Variants in FCRL5 observed in about 807,000 individuals in gnomAD.
FCRL5 encodes Fc receptor-like protein 5.
A neutral mutation model predicts 92.1 loss-of-function variants in FCRL5; 79 were observed. That is an observed-to-expected ratio of 0.86 (90% CI 0.72 to 1.03). The LOEUF is 1.03. Among genes scored for constraint, FCRL5 ranks in the 50% least tolerant of loss-of-function variants. The pLI is 0.00. For missense variants in FCRL5, 1,160 were observed against 1,181.1 expected (o/e 0.98, Z 0.26); for synonymous variants, 466 against 469.3 (o/e 0.99, Z 0.09).
rs555839227 is a variant in FCRL5 at position 157,547,221 on chromosome 1, T to G, written c.53-24A>C. On this transcript the variant is annotated intron_variant, in intron 2 of 16. Coordinates refer to ENST00000361835, the MANE Select transcript of FCRL5 (RefSeq NM_031281.3). ...TGCTGAAGAGGAAAGAGAAAAGGAG[T>G]CTGAGGTGGAGGCGCCTGCAGACCC... The G allele has an allele frequency of 6.2e-6, 10 of 1,611,338 alleles. No individual in the cohort carries two copies. The African/African-American group carries it at 1.3e-4, about 22-fold the overall frequency.
intron 9 of FCRL5, among the ~76,000 whole-genome samples, chr1:157,525,775 A>G (rs553355716): frequency 6.6e-6 from 1 of 152,344 alleles, no homozygotes; most frequent in South Asian, 2.1e-4. Context: ...AATGTTGAGG[A>G]AGACTCCTCT....
rs746946474 is a variant in FCRL5, at chr1:157,527,834, G to A, written c.1743C>T (p.Asp581=). Residue 581 remains aspartate (D), a synonymous_variant, in exon 9 of 17, where the codon GAC becomes GAT. Coordinates refer to ENST00000361835, the MANE Select transcript of FCRL5 (RefSeq NM_031281.3). ...RVPRAQAVVG[D]LLELHCEAPR... ...GGGCCTCACAGTGAAGCTCCAGCAGGTCCCCCACCACAGCCTGGGCCCTGG... is the reference window on the plus strand; with the variant it reads ...GGGCCTCACAGTGAAGCTCCAGCAGATCCCCCACCACAGCCTGGGCCCTGG... 1.9e-6 allele frequency: 3 copies of A among 1,611,980 alleles called. No homozygotes were observed. The highest frequency in any genetic ancestry group is 1.3e-5 in the African/African-American group (1 of 74,930).
intron 1 of FCRL5, among the ~76,000 whole-genome samples, chr1:157,550,989 T>C (rs1651784116): frequency 6.6e-6 from 1 of 152,250 alleles, no homozygotes; most frequent in Non-Finnish European, 1.5e-5. Flanking sequence ...CAAACTTAAG[T>C]GTTTTACTGA....
chr1:157,549,688 T>A, intron 1 of FCRL5, 108 bp from the exon 2 acceptor site: 1 of 912,576 alleles, frequency 1.1e-6, no homozygotes. Flanking sequence ...CTTTAAAAAA[T>A]TCATTTAAAA....
At chr1:157,548,215 T>C (rs1651647826) in intron 2 of FCRL5, among the ~76,000 whole-genome samples, 1 of 152,194 alleles carries the variant, frequency 6.6e-6, no homozygotes, top group Non-Finnish European at 1.5e-5. Context: ...GGTCAGAGGG[T>C]GACCATGAAG....
chr1:157,515,432 C>T lies in FCRL5; in HGVS notation c.*243G>A. The T allele has an allele frequency of 3.1e-6, 2 of 646,898 alleles. No individual in the cohort carries two copies. Among genetic ancestry groups the T allele is most frequent in the Non-Finnish European group, 5.1e-6 (2 of 389,816 alleles). 40.1% of individuals were successfully genotyped at this position (646,898 alleles called of 1,614,324 possible). On this transcript the variant is annotated 3_prime_UTR_variant, in exon 17 of 17. Transcript: ENST00000361835. ...TAAGGAATCCAGGAGATGTGCTGGGCCCTGGAGTGGGAGCACCTTGCCACT... is the reference window on the plus strand; with the variant it reads ...TAAGGAATCCAGGAGATGTGCTGGGTCCTGGAGTGGGAGCACCTTGCCACT...
intron 7 of FCRL5, among the ~76,000 whole-genome samples, chr1:157,536,588 C>T (rs1170891233): frequency 6.6e-6 from 1 of 152,256 alleles, no homozygotes; most frequent in Non-Finnish European, 1.5e-5. Context: ...GAATATGGCC[C>T]AAGCCCTTAC....
chr1:157,545,522 G>GTTTTTTTTTTTTTTTTTTTTTTTT (rs754972248), intron 3 of FCRL5, among the ~76,000 whole-genome samples: 1 of 84,940 alleles, frequency 1.2e-5, no homozygotes, highest in Non-Finnish European at 2.1e-5. Context: ...TCTTTAATGA[G>GTTTTTTTTTTTTTTTTTTTTTTTT]TTTTTTTTTT....
chr1:157,520,709 A>C (rs1650141646), intron 11 of FCRL5, 162 bp from the exon 12 acceptor site: 1 of 641,054 alleles, frequency 1.6e-6, no homozygotes, highest in South Asian at 2.0e-5. Context: ...TGTCTTTGTG[A>C]GGAAGCCGTC....
At chr1:157,538,480 C>A (rs940447583) in intron 7 of FCRL5, among the ~76,000 whole-genome samples, 1 of 152,232 alleles carries the variant, frequency 6.6e-6, no homozygotes, top group African/African-American at 2.4e-5. Flanking sequence ...TTGACAGTTA[C>A]CTGAGTAGCC....
chr1:157,549,395 C>T (rs976664854), intron 2 of FCRL5, among the ~76,000 whole-genome samples, 165 bp downstream of exon 2: 2 of 152,014 alleles, frequency 1.3e-5, no homozygotes, highest in Non-Finnish European at 2.9e-5. Context: ...TATAACAAAC[C>T]TGCACGTTGT....
At position 157,520,315 on chromosome 1, in the gene FCRL5, G is replaced by T. The variant is rs139311407; in HGVS notation, c.2632+116C>A. ...CAGCGGGAAAGGAAGAGGATTGAGGGACAGAGCGGATGAGCTCTTGCGAGC... is the reference window on the plus strand; with the variant it reads ...CAGCGGGAAAGGAAGAGGATTGAGGTACAGAGCGGATGAGCTCTTGCGAGC... On this transcript the variant is annotated intron_variant, in intron 12 of 16. Transcript: ENST00000361835. 7.9e-5 allele frequency: 56 copies of T among 704,566 alleles called. No individual in the cohort carries two copies. In the East Asian group the frequency reaches 1.5e-3, roughly 19 times the overall value. 43.6% of individuals were successfully genotyped at this position (704,566 alleles called of 1,614,324 possible). A position where few individuals can be genotyped will look rare whatever the true frequency, so the allele number is the denominator to read the frequency against.
At position 157,514,938 on chromosome 1, in the gene FCRL5, T is replaced by G. The variant is rs1649854148; in HGVS notation, c.*737A>C. The G allele has an allele frequency of 6.5e-6, 1 of 152,868 alleles. No individual in the cohort carries two copies. The highest frequency in any genetic ancestry group is 2.4e-5 in the African/African-American group (1 of 41,454). The allele number at this position is 152,868 out of a possible 1,614,324, so 9.5% of individuals were successfully genotyped here. ...ATTGAGCACCTCCTGTGTTCCAGTA[T>G]GTGTTCTGTCTGCACCCCTGGTCCT... On this transcript the variant is annotated 3_prime_UTR_variant, in exon 17 of 17. Coordinates refer to ENST00000361835, the MANE Select transcript of FCRL5 (RefSeq NM_031281.3).
At chr1:157,535,736 A>G (rs1650937846) in intron 7 of FCRL5, among the ~76,000 whole-genome samples, 1 of 152,172 alleles carries the variant, frequency 6.6e-6, no homozygotes, top group Non-Finnish European at 1.5e-5. Flanking sequence ...CTATATGTAT[A>G]AAGACACTAA....
chr1:157,517,335 G>A (rs1649974756), intron 15 of FCRL5, among the ~76,000 whole-genome samples: 1 of 152,116 alleles, frequency 6.6e-6, no homozygotes, highest in East Asian at 1.9e-4. Flanking sequence ...GTAATAATGT[G>A]CCCCCAAAGA....
At chr1:157,547,871 A>T (rs1651631550) in intron 2 of FCRL5, among the ~76,000 whole-genome samples, 1 of 152,220 alleles carries the variant, frequency 6.6e-6, no homozygotes, top group Non-Finnish European at 1.5e-5. Context: ...TAAGAGCCAG[A>T]ACTAATTAAA....
At chr1:157,527,969 T>C in intron 8 of FCRL5, 74 bp from the exon 9 acceptor site, 1 of 1,434,674 alleles carries the variant, frequency 7.0e-7, no homozygotes, top group Non-Finnish European at 9.3e-7. Context: ...GCCAGAACAA[T>C]CAGACAAGAG....
In FCRL5 at chr1:157,524,384, A is replaced by C. The variant is rs780239372; in HGVS notation, c.2134T>G (p.Ser712Ala). The change falls in exon 10 of 17, where the codon TCC (serine) becomes GCC (alanine). Residue 712 changes from serine (S) to alanine (A), a missense_variant. Transcript: ENST00000361835. ...KISAPSGGGA[S>A]FNLSLTTEHS... ...TCTGTAGTCAGAGAGAGGTTGAAGG[A>C]GGCCCCTCCTCCAGAGGGGGCTGAG... 55 of 1,614,222 alleles carry C rather than the reference A, an allele frequency of 3.4e-5. No homozygotes were observed. Among genetic ancestry groups the C allele is most frequent in the Non-Finnish European group, 4.5e-5 (53 of 1,180,028 alleles).
At chr1:157,535,593 A>C (rs1650932696) in intron 7 of FCRL5, among the ~76,000 whole-genome samples, 1 of 152,112 alleles carries the variant, frequency 6.6e-6, no homozygotes, top group Non-Finnish European at 1.5e-5. Flanking sequence ...TAATCTACTA[A>C]AGCTGATTTT....
Sources: gnomAD v4.1 joint callset for allele counts (sites outside exome capture counted in the v4.1 genomes callset) on GRCh38, gnomAD v4.1.1 for gene constraint, MANE v1.5 for transcripts, NCBI Gene and HGNC (gene_info 2026-07-23, HGNC 2026-07-21) for gene names.